The following XPOT variants were observed in gnomAD, a reference collection of about 807,000 sequenced individuals.
XPOT encodes exportin-T.
XPOT carries 34 observed loss-of-function variants against 128.2 expected under a neutral mutation model. The ratio of observed to expected loss-of-function variants is 0.27; its 90% CI spans 0.20 to 0.35. The LOEUF (loss-of-function observed/expected upper bound fraction) is 0.35, where lower values mean the gene tolerates loss of function less well. Ranked by LOEUF, XPOT falls within the 10% of genes least tolerant of loss-of-function variation. XPOT has a pLI of 1.00. For missense variants in XPOT, 838 were observed against 1,125.3 expected, an observed-to-expected ratio of 0.74 and a Z score of 3.65; for synonymous variants, 348 against 394.3, an observed-to-expected ratio of 0.88 and a Z score of 1.39.
intron 24 of XPOT, 95 bp from the exon 25 acceptor site, chr12:64,448,010 G>T (rs2040379316): frequency 9.8e-6 from 11 of 1,116,956 alleles, no homozygotes; most frequent in Admixed American, 1.7e-5. Context: ...TGTTACAGAA[G>T]AACATTGCTA....
intron 15 of XPOT, 33 bp downstream of exon 15, chr12:64,425,942 T>A (rs2040188850): frequency 6.3e-7 from 1 of 1,581,010 alleles, no homozygotes; most frequent in Non-Finnish European, 8.7e-7. Flanking sequence ...TATGTTTAGT[T>A]ATTTTTTAAG....
At chr12:64,429,693 G>C (rs538486651) in intron 16 of XPOT, among the ~76,000 whole-genome samples, 1 of 152,158 alleles carries the variant, frequency 6.6e-6, no homozygotes, top group African/African-American at 2.4e-5. Context: ...TGCCGGCCTC[G>C]GCCTCCCAAA....
At chr12:64,431,472 T>C in intron 17 of XPOT, 66 bp from the exon 18 acceptor site, 1 of 1,515,384 alleles carries the variant, frequency 6.6e-7, no homozygotes, top group Non-Finnish European at 9.0e-7. Flanking sequence ...TGCATTGCTT[T>C]TGAATACTCC....
intron 24 of XPOT, among the ~76,000 whole-genome samples, chr12:64,446,408 A>G (rs529953443): frequency 5.6e-4 from 85 of 152,278 alleles, no homozygotes; most frequent in African/African-American, 2.0e-3. Flanking sequence ...CTCCCTTCAC[A>G]TCTGATTGAT....
chr12:64,405,700 C>T (rs544674523), intron 1 of XPOT, among the ~76,000 whole-genome samples: 17 of 152,288 alleles, frequency 1.1e-4, no homozygotes, highest in African/African-American at 3.4e-4. Context: ...CTCACTGCAA[C>T]CTCTGCCTCC....
In XPOT at chr12:64,449,423, GAA is replaced by G. The variant is rs1220749008; in HGVS notation, c.*1293_*1294del. On this transcript the variant is annotated 3_prime_UTR_variant, in exon 25 of 25. Coordinates refer to ENST00000332707, the MANE Select transcript of XPOT (RefSeq NM_007235.6). ...TAGTTATCAGTAGTGTCACTGGAAAGAAGAGAGGAGGGACAAAACTGAGCAGC... is the reference window on the plus strand; with the variant it reads ...TAGTTATCAGTAGTGTCACTGGAAAGGAGAGGAGGGACAAAACTGAGCAGC... The G allele has an allele frequency of 6.6e-6, 1 of 152,164 alleles. No homozygotes were observed. Among genetic ancestry groups the G allele is most frequent in the African/African-American group, 2.4e-5 (1 of 41,436 alleles). The allele number at this position is 152,164 out of a possible 1,614,324, so 9.4% of individuals were successfully genotyped here.
At chr12:64,443,644 G>C (rs553219992) in intron 23 of XPOT, among the ~76,000 whole-genome samples, 3 of 152,072 alleles carry the variant, frequency 2.0e-5, no homozygotes, top group African/African-American at 7.2e-5. Context: ...TGGCAGAGAT[G>C]GGGTTCCACC....
At chr12:64,414,825 A>C (rs972496267) in intron 2 of XPOT, 82 bp from the exon 3 acceptor site, 21 of 841,176 alleles carry the variant, frequency 2.5e-5, no homozygotes, top group Non-Finnish European at 3.9e-5. Context: ...TAGGTTTGCA[A>C]CTCTCAGAAT....
chr12:64,414,251 T>A (rs561581792), intron 2 of XPOT, among the ~76,000 whole-genome samples: 1 of 152,352 alleles, frequency 6.6e-6, no homozygotes, highest in African/African-American at 2.4e-5. Flanking sequence ...TTGGCACTGT[T>A]ACTTGTGATT....
At chr12:64,441,954 C>A (rs190716823) in intron 23 of XPOT, among the ~76,000 whole-genome samples, 1 of 152,014 alleles carries the variant, frequency 6.6e-6, no homozygotes, top group Non-Finnish European at 1.5e-5. Context: ...CCCAGGATTA[C>A]GGGCGTGAGC....
intron 3 of XPOT, among the ~76,000 whole-genome samples, chr12:64,415,669 G>A (rs898011904): frequency 1.3e-5 from 2 of 152,110 alleles, no homozygotes; most frequent in Non-Finnish European, 2.9e-5. Flanking sequence ...GTGAGCCACC[G>A]TACCCGGCCT....
chr12:64,425,940 G>C, intron 15 of XPOT, 31 bp downstream of exon 15: 1 of 1,587,838 alleles, frequency 6.3e-7, no homozygotes. Flanking sequence ...ATTATGTTTA[G>C]TTATTTTTTA....
rs749658840 is a variant in XPOT at position 64,425,055 on chromosome 12, G to A, written c.1325G>A (p.Arg442Gln). The A allele has an allele frequency of 1.1e-5, 18 of 1,612,506 alleles. No individual in the cohort carries two copies. Among genetic ancestry groups the A allele is most frequent in the Middle Eastern group, 2.0e-4 (1 of 4,892 alleles). Reference protein sequence around the residue: ...SSTLQNWQTTRFMEVEVAIRL... With the variant: ...SSTLQNWQTTQFMEVEVAIRL... ...CTTGGTAGGAATTGGCAGACTACAC[G>A]GTTTATGGAAGTTGAAGTAGCAATA... The change falls in exon 13 of 25, where the codon CGG (arginine) becomes CAG (glutamine). Residue 442 changes from arginine (R) to glutamine (Q), a missense_variant. By Grantham distance (43) the Arg-to-Gln change is conservative. Around this residue, in one of 3 missense-constraint regions of XPOT, gnomAD observed 761 missense variants for 988.3 expected, o/e 0.77. Transcript: ENST00000332707.
chr12:64,412,054 C>CA (rs1321130132), intron 2 of XPOT, among the ~76,000 whole-genome samples: 25 of 122,852 alleles, frequency 2.0e-4, no homozygotes, highest in Admixed American at 8.0e-4. Flanking sequence ...GACAGAGTCT[C>CA]ACTCTGTTGC....
rs1013221949 is a variant in XPOT, at chr12:64,447,200, A to G, written c.2863-905A>G. On this transcript the variant is annotated intron_variant, in intron 24 of 24. Transcript: ENST00000332707. Reference sequence around the variant, plus strand: ...TCCCACCCGGTCCTTCCCACAACACATAGGAATTATGGGAGCTACAAGATG... The same window carrying G: ...TCCCACCCGGTCCTTCCCACAACACGTAGGAATTATGGGAGCTACAAGATG... 1.4e-4 allele frequency among the ~76,000 whole-genome samples: 22 copies of G among 152,126 alleles called. 1 individual carries two copies. Among genetic ancestry groups the G allele is most frequent in the African/African-American group, 2.4e-5 (1 of 41,430 alleles).
chr12:64,423,138 A>G lies in XPOT; in HGVS notation c.1120-44A>G, dbSNP rs755953638. On this transcript the variant is annotated intron_variant, in intron 10 of 24. Transcript: ENST00000332707. ...TTAATTTCAAATTATATCAAATTAG[A>G]AGGAGACTGACAAAAACTCTTTTAT... 1.3e-5 allele frequency: 21 copies of G among 1,592,788 alleles called. No homozygotes were observed. In the East Asian group the frequency reaches 3.4e-4, roughly 25 times the overall value.
chr12:64,439,869 TA>T (rs1245376716), intron 23 of XPOT, among the ~76,000 whole-genome samples: 8 of 152,244 alleles, frequency 5.3e-5, no homozygotes, highest in African/African-American at 1.9e-4. Context: ...TACATGGAGT[TA>T]ATGAAGTATC....
intron 14 of XPOT, 157 bp downstream of exon 14, chr12:64,425,614 TG>T (rs2040185467): frequency 9.3e-7 from 1 of 1,070,062 alleles, no homozygotes. Context: ...TTCTTTTAAA[TG>T]GATAGTTTGT....
Position 64,421,471 on chromosome 12 carries a change from GGTAA to G in XPOT, c.1080+3_1080+6del. The G allele has an allele frequency of 1.2e-6, 2 of 1,600,950 alleles. No homozygotes were observed. The highest frequency in any genetic ancestry group is 1.7e-6 in the Non-Finnish European group (2 of 1,168,538). Reference sequence around the variant, plus strand: ...ACGATTATCTTCATATTTTGAAACAGGTAAGTTTTTGTTTTATTCTTTTTGCTCA... The same window carrying G: ...ACGATTATCTTCATATTTTGAAACAGGTTTTTGTTTTATTCTTTTTGCTCA... On this transcript the variant is annotated splice_donor_variant and splice_donor_region_variant and intron_variant, in intron 9 of 24. Transcript: ENST00000332707. LOFTEE classifies it high-confidence loss of function.
Sources: gnomAD v4.1 joint callset for allele counts (sites outside exome capture counted in the v4.1 genomes callset) on GRCh38, gnomAD v4.1.1 for gene constraint, gnomAD v4.1.1 regional missense constraint, MANE v1.5 for transcripts, NCBI Gene and HGNC (gene_info 2026-07-23, HGNC 2026-07-21) for gene names.